LSAMP: variants seen among roughly 807,000 people sequenced by gnomAD.
LSAMP encodes limbic system associated membrane protein, also known as limbic system-associated membrane protein.
LSAMP carries 7 observed loss-of-function variants against 38.6 expected under a neutral mutation model. That is an observed-to-expected ratio of 0.18 (90% CI 0.10 to 0.34). The LOEUF (loss-of-function observed/expected upper bound fraction) is 0.34. Ranked by LOEUF, LSAMP falls within the 10% of genes least tolerant of loss-of-function variation. LSAMP has a pLI of 1.00. For synonymous variants in LSAMP, 154 were observed against 166.8 expected, an observed-to-expected ratio of 0.92 and a Z score of 0.59; for missense variants, 313 against 420.0, an observed-to-expected ratio of 0.75 and a Z score of 2.23.
At chr3:115,860,569 CACTTA>C (rs1317345926) in intron 3 of LSAMP, among the ~76,000 whole-genome samples, 2 of 152,296 alleles carry the variant, frequency 1.3e-5, no homozygotes, top group African/African-American at 4.8e-5. Context: ...TTGTCCACTT[CACTTA>C]ACTTCCTTAT....
intron 1 of LSAMP, among the ~76,000 whole-genome samples, chr3:116,192,022 G>GA (rs78480908): frequency 0.21 from 32,487 of 151,232 alleles, 3,576 homozygotes; most frequent in Admixed American, 0.25. Context: ...ATTACTGAGG[G>GA]AAAAAAAAGA....
chr3:116,410,261 T>G (rs972628723), intron 1 of LSAMP, among the ~76,000 whole-genome samples: 2 of 152,012 alleles, frequency 1.3e-5, no homozygotes, highest in African/African-American at 4.8e-5. Context: ...GACTCCTGAT[T>G]CTTGACCTCA....
intron 3 of LSAMP, among the ~76,000 whole-genome samples, chr3:115,945,311 C>T (rs3884594): frequency 0.36 from 54,238 of 151,902 alleles, 10,668 homozygotes; most frequent in South Asian, 0.62. Context: ...TCACTGAAAG[C>T]ATTCCTAGGA....
At chr3:116,279,823 T>C (rs2047104373) in intron 1 of LSAMP, among the ~76,000 whole-genome samples, 1 of 152,224 alleles carries the variant, frequency 6.6e-6, no homozygotes, top group Middle Eastern at 3.2e-3. Context: ...TATTGAACTC[T>C]GCTATAAATG....
intron 2 of LSAMP, among the ~76,000 whole-genome samples, chr3:116,069,221 T>C (rs1229428528): frequency 2.0e-5 from 3 of 152,228 alleles, no homozygotes; most frequent in Non-Finnish European, 2.9e-5. Context: ...TTAGCACGTT[T>C]CAGCTCACTG....
At chr3:116,308,682 G>C (rs188193672) in intron 1 of LSAMP, among the ~76,000 whole-genome samples, 2 of 152,126 alleles carry the variant, frequency 1.3e-5, no homozygotes, top group East Asian at 3.9e-4. Flanking sequence ...CTGAAGCAGA[G>C]TGGAATAACA....
chr3:115,971,428 T>A (rs1939014552), intron 3 of LSAMP, among the ~76,000 whole-genome samples: 1 of 152,186 alleles, frequency 6.6e-6, no homozygotes, highest in African/African-American at 2.4e-5. Flanking sequence ...AGGAAAATAC[T>A]TTTTCTTTTG....
chr3:116,359,743 G>C (rs1451506531), intron 1 of LSAMP, among the ~76,000 whole-genome samples: 3 of 151,922 alleles, frequency 2.0e-5, no homozygotes, highest in African/African-American at 7.3e-5. Flanking sequence ...TTTAATAAAT[G>C]GTGCTAATAG....
At chr3:116,108,171 GGGAATACAAGA>G (rs1376941870) in intron 1 of LSAMP, among the ~76,000 whole-genome samples, 2 of 152,118 alleles carry the variant, frequency 1.3e-5, no homozygotes, top group Non-Finnish European at 2.9e-5. Flanking sequence ...ATTAAGGTGG[GGGAATACAAGA>G]GGAGGATGCA....
intron 1 of LSAMP, among the ~76,000 whole-genome samples, chr3:116,236,207 T>G (rs1238128105): frequency 6.6e-6 from 1 of 152,148 alleles, no homozygotes; most frequent in African/African-American, 2.4e-5. Flanking sequence ...AATCATGATT[T>G]GCTTAGAATT....
At chr3:116,111,416 A>C (rs1026130283) in intron 1 of LSAMP, among the ~76,000 whole-genome samples, 1 of 152,232 alleles carries the variant, frequency 6.6e-6, no homozygotes, top group East Asian at 1.9e-4. Flanking sequence ...TTCTGAGCTC[A>C]TAAATTTTCA....
intron 1 of LSAMP, among the ~76,000 whole-genome samples, chr3:116,415,436 A>G (rs746600252): frequency 3.3e-5 from 5 of 152,238 alleles, no homozygotes; most frequent in Non-Finnish European, 5.9e-5. Context: ...ACAGAGTTAA[A>G]TCTGCTATGA....
intron 6 of LSAMP, among the ~76,000 whole-genome samples, chr3:115,836,797 G>A (rs994612582): frequency 2.6e-5 from 4 of 152,188 alleles, no homozygotes; most frequent in African/African-American, 9.6e-5. Context: ...CTGGTTAAAA[G>A]GCTTTGCCAA....
At chr3:116,391,314 T>G (rs2048693089) in intron 1 of LSAMP, among the ~76,000 whole-genome samples, 1 of 151,820 alleles carries the variant, frequency 6.6e-6, no homozygotes, top group African/African-American at 2.4e-5. Flanking sequence ...GTGCCCCATG[T>G]CCCCGAGGCC....
At chr3:116,144,274 T>C (rs1350392183) in intron 1 of LSAMP, among the ~76,000 whole-genome samples, 2 of 152,028 alleles carry the variant, frequency 1.3e-5, no homozygotes, top group South Asian at 2.1e-4. Flanking sequence ...CAATGGTTCA[T>C]GTCTGGGATT....
chr3:116,329,356 T>C (rs1464927655), intron 1 of LSAMP, among the ~76,000 whole-genome samples: 1 of 152,200 alleles, frequency 6.6e-6, no homozygotes. Context: ...AATTTTTTTC[T>C]GTGAAAATTG....
chr3:116,234,100 C>T (rs1049782925), intron 1 of LSAMP, among the ~76,000 whole-genome samples: 5 of 152,346 alleles, frequency 3.3e-5, no homozygotes, highest in South Asian at 2.1e-4. Flanking sequence ...TATCAAGGAT[C>T]ACGGAGTGGG....
At chr3:116,408,076 C>T (rs796919667) in intron 1 of LSAMP, among the ~76,000 whole-genome samples, 37 of 152,102 alleles carry the variant, frequency 2.4e-4, no homozygotes, top group African/African-American at 8.7e-4. Context: ...AGGGACAAAA[C>T]ATGGACTCTG....
intron 3 of LSAMP, among the ~76,000 whole-genome samples, chr3:115,968,949 C>T (rs1938918590): frequency 6.6e-6 from 1 of 152,194 alleles, no homozygotes; most frequent in Admixed American, 6.5e-5. Flanking sequence ...TGGGGTCTAC[C>T]CAGTCTTGCT....
Sources: allele counts gnomAD v4.1 joint callset (sites outside exome capture counted in the v4.1 genomes callset), GRCh38; gene constraint gnomAD v4.1.1; transcripts MANE v1.5; gene names NCBI Gene and HGNC (gene_info 2026-07-23, HGNC 2026-07-21).